COL5A2: variants seen among roughly 807,000 people sequenced by gnomAD.
COL5A2 encodes collagen alpha-2(V) chain.
In COL5A2, 23 loss-of-function variants were observed where a neutral mutation model predicts 208.2. The observed-to-expected ratio is 0.11, with a 90% CI of 0.08 to 0.16. The LOEUF (loss-of-function observed/expected upper bound fraction) is 0.16. COL5A2 is among the 10% of genes least tolerant of loss of function. The pLI, the probability that COL5A2 is intolerant of heterozygous loss-of-function variation, is 1.00. For synonymous variants in COL5A2, 625 were observed against 628.5 expected (o/e 0.99, Z 0.08); for missense variants, 1,590 against 1,956.4 (o/e 0.81, Z 3.53).
At chr2:189,428,890 G>A in the COL5A2 span, among the ~76,000 whole-genome samples, 1 of 152,176 alleles carries the variant, frequency 6.6e-6, no homozygotes, top group Admixed American at 6.5e-5. Context: ...CTCATAATGA[G>A]GCAACTTAAA....
the COL5A2 span, among the ~76,000 whole-genome samples, chr2:189,412,899 A>G: frequency 6.6e-6 from 1 of 152,218 alleles, no homozygotes; most frequent in Non-Finnish European, 1.5e-5. Context: ...AGTCGTAAAG[A>G]AAACTTCCAA....
chr2:189,435,877 C>T, the COL5A2 span, among the ~76,000 whole-genome samples: 17 of 152,120 alleles, frequency 1.1e-4, no homozygotes, highest in Non-Finnish European at 1.9e-4. Flanking sequence ...CACACGCACA[C>T]GTTATGTTTA....
chr2:189,051,165 G>A (rs552604891), intron 42 of COL5A2, among the ~76,000 whole-genome samples, 155 bp downstream of exon 42: 9 of 151,802 alleles, frequency 5.9e-5, no homozygotes, highest in Admixed American at 2.0e-4. Context: ...ATATATACAC[G>A]TTTTTCCTAA....
At chr2:189,060,350 T>A (rs1280946769) in intron 31 of COL5A2, among the ~76,000 whole-genome samples, 1 of 152,130 alleles carries the variant, frequency 6.6e-6, no homozygotes, top group Non-Finnish European at 1.5e-5. Context: ...TCAGCAAATA[T>A]TTATTAAATG....
the COL5A2 span, chr2:189,311,745 C>G: frequency 1.3e-6 from 1 of 775,920 alleles, no homozygotes; most frequent in East Asian, 2.4e-5. Flanking sequence ...GAGACCAGTA[C>G]TTGTCAAGCT....
rs1196002319 is a variant in COL5A2 at position 189,063,025 on chromosome 2, T to G, written c.1908A>C (p.Gly636=). ...GTATATTTACCCTCTGCCCAGGAAC[T>G]CCAGCATTTCCTGCTTCTCCAGGTT... ...PGKPGEAGNA[G]VPGQRGAPGK... The change falls in exon 28 of 54, where the codon GGA becomes GGC. Residue 636 remains glycine, a synonymous_variant. Transcript: ENST00000374866. 1 of 1,614,196 alleles carries G rather than the reference T, an allele frequency of 6.2e-7. No individual in the cohort carries two copies. Among genetic ancestry groups the G allele is most frequent in the Non-Finnish European group, 8.5e-7 (1 of 1,180,034 alleles).
intron 2 of COL5A2, among the ~76,000 whole-genome samples, chr2:189,108,044 A>C (rs1297247556): frequency 6.6e-6 from 1 of 151,568 alleles, no homozygotes; most frequent in Non-Finnish European, 1.5e-5. Context: ...TCTGACTTTC[A>C]CCTTTAAAGA....
At chr2:189,251,151 T>A in the COL5A2 span, among the ~76,000 whole-genome samples, 3 of 152,188 alleles carry the variant, frequency 2.0e-5, no homozygotes, top group African/African-American at 7.2e-5. Context: ...AAAAAATTTT[T>A]AAATATTTGT....
rs141177246 is a variant in COL5A2 at position 189,065,339 on chromosome 2, G to T, written c.1564-282C>A. ...GAGGTCAGGAGTTCAAGACCAGCCT[G>T]GCCAACGTGGTGAAAACCTGTCTCT... On this transcript the variant is annotated intron_variant, in intron 23 of 53. Coordinates refer to ENST00000374866, the MANE Select transcript of COL5A2 (RefSeq NM_000393.5). 2.8e-4 allele frequency among the ~76,000 whole-genome samples: 42 copies of T among 152,268 alleles called. No homozygotes were observed. In the East Asian group the frequency reaches 8.1e-3, roughly 29 times the overall value.
the COL5A2 span, among the ~76,000 whole-genome samples, chr2:189,300,129 T>G: frequency 6.6e-6 from 1 of 152,226 alleles, no homozygotes; most frequent in Non-Finnish European, 1.5e-5. Context: ...AAGATTCTCA[T>G]GACCAAGTAA....
chr2:189,106,267 C>T (rs56176197), intron 2 of COL5A2, among the ~76,000 whole-genome samples: 20,959 of 151,280 alleles, frequency 0.14, 1,457 homozygotes, highest in Middle Eastern at 0.19. Context: ...GACATTCAGT[C>T]TTTTAAATAC....
At chr2:189,103,925 A>C (rs1687099715) in intron 3 of COL5A2, among the ~76,000 whole-genome samples, 1 of 151,834 alleles carries the variant, frequency 6.6e-6, no homozygotes, top group African/African-American at 2.4e-5. Flanking sequence ...TTCTTCCATC[A>C]AATGTGTATT....
rs1553516867 is a variant in COL5A2, at chr2:189,081,056, C to T, written c.853-13G>A. 6.2e-7 allele frequency: 1 copy of T among 1,612,018 alleles called. No individual in the cohort carries two copies. Among genetic ancestry groups the T allele is most frequent in the Non-Finnish European group, 8.5e-7 (1 of 1,178,302 alleles). On this transcript the variant is annotated splice_polypyrimidine_tract_variant and intron_variant, in intron 12 of 53. Coordinates refer to ENST00000374866, the MANE Select transcript of COL5A2 (RefSeq NM_000393.5). The stretch of plus-strand genomic sequence containing the variant: ...ATCCACGAGCTCCCTGGGAGGAAAA[C>T]ATAGATAGGGCATTTTACAGTCATT...
chr2:189,038,233 T>C (rs1685482150), intron 51 of COL5A2, among the ~76,000 whole-genome samples: 1 of 152,176 alleles, frequency 6.6e-6, no homozygotes, highest in South Asian at 2.1e-4. Context: ...TTCATATTTA[T>C]GTCCATGTGT....
intron 7 of COL5A2, among the ~76,000 whole-genome samples, chr2:189,090,798 T>C (rs749228781): frequency 5.3e-5 from 8 of 152,198 alleles, no homozygotes; most frequent in Non-Finnish European, 1.2e-4. Context: ...TTACTGAATA[T>C]TTCAAGCCCA....
chr2:189,240,036 C>T, the COL5A2 span, among the ~76,000 whole-genome samples: 1 of 151,854 alleles, frequency 6.6e-6, no homozygotes, highest in East Asian at 1.9e-4. Context: ...AAAACTAACA[C>T]AATATTTTAA....
At chr2:189,037,826 A>T (rs1230900411) in intron 51 of COL5A2, among the ~76,000 whole-genome samples, 1 of 152,208 alleles carries the variant, frequency 6.6e-6, no homozygotes, top group Non-Finnish European at 1.5e-5. Context: ...TTGATGATCC[A>T]GCAATATGTT....
chr2:189,045,719 A>ATG (rs1685651989), intron 46 of COL5A2, 81 bp downstream of exon 46: 1 of 1,029,586 alleles, frequency 9.7e-7, no homozygotes, highest in Non-Finnish European at 1.5e-6. Flanking sequence ...ATGTATGACT[A>ATG]TGTGTGTGTG....
chr2:189,202,356 A>ACAGATTATG (rs1689089689), intron 1 of COL5A2, among the ~76,000 whole-genome samples: 1 of 152,136 alleles, frequency 6.6e-6, no homozygotes, highest in Admixed American at 6.5e-5. Flanking sequence ...GTTAAAAGCA[A>ACAGATTATG]CAGATTATCA....
Sources: allele counts gnomAD v4.1 joint callset (sites outside exome capture counted in the v4.1 genomes callset), GRCh38; gene constraint gnomAD v4.1.1; transcripts MANE v1.5; gene names NCBI Gene and HGNC (gene_info 2026-07-23, HGNC 2026-07-21).